The following DTD1 variants were observed in gnomAD, a reference collection of about 807,000 sequenced individuals.
DTD1 encodes the protein D-aminoacyl-tRNA deacylase 1.
A neutral mutation model predicts 25.6 loss-of-function variants in DTD1; 13 were observed. The ratio of observed to expected loss-of-function variants is 0.51; its 90% CI spans 0.33 to 0.81. The LOEUF (loss-of-function observed/expected upper bound fraction) is 0.81. DTD1 is among the 30% of genes least tolerant of loss of function. DTD1 has a pLI of 0.02. For missense variants in DTD1, 193 were observed against 266.4 expected, an observed-to-expected ratio of 0.72 and a Z score of 1.92; for synonymous variants, 110 against 103.6, an observed-to-expected ratio of 1.06 and a Z score of -0.37.
At chr20:18,741,306 C>T (rs550621238) in intron 4 of DTD1, among the ~76,000 whole-genome samples, 2 of 152,178 alleles carry the variant, frequency 1.3e-5, no homozygotes, top group African/African-American at 4.8e-5. Flanking sequence ...TCAGCTACAC[C>T]ACAGAGCTCA....
chr20:18,622,808 C>G (rs571018291), intron 3 of DTD1, among the ~76,000 whole-genome samples: 175 of 152,290 alleles, frequency 1.1e-3, no homozygotes, highest in Non-Finnish European at 1.9e-3. Context: ...TGTTAGTGAT[C>G]TCTTTGGGCC....
chr20:18,753,068 T>G, intron 5 of DTD1, among the ~76,000 whole-genome samples: 1 of 152,218 alleles, frequency 6.6e-6, no homozygotes, highest in East Asian at 1.9e-4. Context: ...GGCTTACAAA[T>G]AATTTAGAGT....
chr20:18,727,779 C>T (rs989976454), intron 4 of DTD1, among the ~76,000 whole-genome samples: 2 of 152,188 alleles, frequency 1.3e-5, no homozygotes, highest in African/African-American at 4.8e-5. Flanking sequence ...GCTTCTTTCA[C>T]AGAGCAGAGC....
chr20:18,730,396 C>T (rs2061235964), intron 4 of DTD1, among the ~76,000 whole-genome samples: 1 of 152,210 alleles, frequency 6.6e-6, no homozygotes, highest in Non-Finnish European at 1.5e-5. Flanking sequence ...ATTGCATTCC[C>T]AAGGCCCAAA....
At chr20:18,713,073 T>C (rs6136484) in intron 4 of DTD1, among the ~76,000 whole-genome samples, 52,933 of 152,288 alleles carry the variant, frequency 0.35, 9,536 homozygotes, top group Non-Finnish European at 0.4. Flanking sequence ...GCTGGAGAGC[T>C]GTTCCCGGGG....
intron 3 of DTD1, among the ~76,000 whole-genome samples, chr20:18,612,873 G>A (rs189210842): frequency 6.6e-6 from 1 of 152,142 alleles, no homozygotes; most frequent in African/African-American, 2.4e-5. Context: ...TGGCCAGGTT[G>A]GTCTGGAACT....
At chr20:18,655,532 A>G (rs1368154407) in intron 4 of DTD1, among the ~76,000 whole-genome samples, 2 of 151,796 alleles carry the variant, frequency 1.3e-5, no homozygotes, top group Non-Finnish European at 2.9e-5. Flanking sequence ...ATGGACCATC[A>G]TGCACCTGTC....
chr20:18,608,505 T>A (rs1202774997), intron 3 of DTD1, among the ~76,000 whole-genome samples: 1 of 152,232 alleles, frequency 6.6e-6, no homozygotes, highest in Non-Finnish European at 1.5e-5. Flanking sequence ...TTAATTGCTC[T>A]TGTTTTTCTA....
At chr20:18,712,086 AT>A (rs1326325925) in intron 4 of DTD1, among the ~76,000 whole-genome samples, 1 of 151,386 alleles carries the variant, frequency 6.6e-6, no homozygotes, top group African/African-American at 2.4e-5. Flanking sequence ...AAAAAAAAAA[AT>A]CTAACTTCTT....
At chr20:18,750,125 A>T (rs1344495160) in intron 5 of DTD1, among the ~76,000 whole-genome samples, 1 of 152,186 alleles carries the variant, frequency 6.6e-6, no homozygotes, top group Non-Finnish European at 1.5e-5. Flanking sequence ...GCTTCCGAGA[A>T]TTTAGCCATG....
At chr20:18,675,765 T>C (rs1364889434) in intron 4 of DTD1, among the ~76,000 whole-genome samples, 1 of 152,004 alleles carries the variant, frequency 6.6e-6, no homozygotes, top group African/African-American at 2.4e-5. Context: ...TACCTATGTG[T>C]ATATTTACAC....
intron 3 of DTD1, among the ~76,000 whole-genome samples, chr20:18,624,078 T>G (rs2122303100): frequency 6.6e-6 from 1 of 152,242 alleles, no homozygotes; most frequent in South Asian, 2.1e-4. Flanking sequence ...CAGTCTACCT[T>G]GGAGCCTATG....
chr20:18,631,193 T>C (rs907703832), intron 4 of DTD1: 26 of 985,374 alleles, frequency 2.6e-5, no homozygotes, highest in East Asian at 1.1e-4. Context: ...TTTCCTGGGC[T>C]GAGTCCAGCC....
In DTD1 at chr20:18,618,459, A is replaced by G. The variant is rs140673080; in HGVS notation, c.371-9668A>G. Among the ~76,000 whole-genome samples the G allele has an allele frequency of 8.6e-3, 1,304 of 151,356 alleles. 19 individuals are homozygous for G. Among genetic ancestry groups the G allele is most frequent in the African/African-American group, 0.03 (1,250 of 41,246 alleles). ...AGCCTCAACCTCCCAGGCTAAAGCA[A>G]TCCTCCCACCTCAGCCTCCTGAGTA... On this transcript the variant is annotated intron_variant, in intron 3 of 5. Coordinates refer to ENST00000377452, the MANE Select transcript of DTD1 (RefSeq NM_080820.6).
At chr20:18,598,591 G>A (rs946024892) in intron 3 of DTD1, among the ~76,000 whole-genome samples, 4 of 151,700 alleles carry the variant, frequency 2.6e-5, no homozygotes, top group African/African-American at 7.3e-5. Flanking sequence ...TCTGCCTCCC[G>A]GGCTCATGCC....
intron 4 of DTD1, among the ~76,000 whole-genome samples, chr20:18,742,459 G>A (rs138029780): frequency 1.6e-4 from 25 of 152,254 alleles, no homozygotes; most frequent in Non-Finnish European, 2.9e-4. Context: ...GCCTATGAAC[G>A]AGCATTATCA....
chr20:18,742,557 C>A (rs1159430633), intron 4 of DTD1, among the ~76,000 whole-genome samples: 1 of 152,124 alleles, frequency 6.6e-6, no homozygotes, highest in African/African-American at 2.4e-5. Flanking sequence ...TGCGGGGGAT[C>A]TAGGTTGCAG....
intron 4 of DTD1, among the ~76,000 whole-genome samples, chr20:18,705,908 T>C (rs1410194624): frequency 4.6e-5 from 7 of 152,246 alleles, no homozygotes. Flanking sequence ...ACCCTTCTTA[T>C]GTGGTCCATT....
intron 3 of DTD1, among the ~76,000 whole-genome samples, chr20:18,615,335 AC>A (rs1241620805): frequency 1.3e-5 from 2 of 152,032 alleles, no homozygotes; most frequent in African/African-American, 4.8e-5. Context: ...TAGGGGAAAA[AC>A]TAGTGAATAG....
Sources: gnomAD v4.1 joint callset for allele counts (sites outside exome capture counted in the v4.1 genomes callset) on GRCh38, gnomAD v4.1.1 for gene constraint, MANE v1.5 for transcripts, NCBI Gene and HGNC (gene_info 2026-07-23, HGNC 2026-07-21) for gene names.